The following TRHDE variants were observed in gnomAD, a reference collection of about 807,000 sequenced individuals.
The protein encoded by TRHDE is thyrotropin releasing hormone degrading enzyme.
Under a neutral mutation model 125.7 loss-of-function variants are expected in TRHDE, and 72 were observed. The observed-to-expected ratio is 0.57, with a 90% CI of 0.47 to 0.70. The LOEUF is 0.70. TRHDE is among the 30% of genes least tolerant of loss of function. TRHDE has a pLI of 0.00. For synonymous variants in TRHDE, 509 were observed against 509.1 expected, an observed-to-expected ratio of 1.00 and a Z score of 0.00; for missense variants, 1,110 against 1,327.1, an observed-to-expected ratio of 0.84 and a Z score of 2.54.
intron 3 of TRHDE, among the ~76,000 whole-genome samples, chr12:72,410,455 C>T (rs889015596): frequency 6.6e-6 from 1 of 152,020 alleles, no homozygotes; most frequent in Non-Finnish European, 1.5e-5. Context: ...AAGGTAAAAT[C>T]ATAGGTCTTT....
At position 72,272,676 on chromosome 12, in the gene TRHDE, G is replaced by C; in HGVS notation, c.33G>C (p.Glu11Asp). The C allele has an allele frequency of 7.7e-7, 1 of 1,299,414 alleles. No homozygotes were observed. The highest frequency in any genetic ancestry group is 1.0e-6 in the Non-Finnish European group (1 of 978,090). The allele number at this position is 1,299,414 out of a possible 1,614,324, so 80.5% of individuals were successfully genotyped here. A position where few individuals can be genotyped will look rare whatever the true frequency, so the allele number is the denominator to read the frequency against. MALDGELGEQEEEKKKKKKKK... is the reference protein window; with the variant it reads MALDGELGEQDEEKKKKKKKK... ...TGGACGGCGAGCTGGGGGAGCAAGA[G>C]GAGGAGAAGAAAAAGAAGAAGAAAA... Residue 11 changes from glutamate to aspartate, a missense_variant, in exon 1 of 19, where the codon GAG (glutamate) becomes GAC (aspartate). Physicochemically the swap from Glu to Asp is conservative, Grantham distance 45. This residue lies in a region of TRHDE where 248 missense variants were observed against 240.8 expected (regional missense o/e 1.03). Transcript: ENST00000261180. The surrounding 1 kb of genome is among the most constrained non-coding windows in gnomAD (Gnocchi z 6.7).
At chr12:72,172,294 G>A (rs1876890626) in intron 2 of TRHDE, among the ~76,000 whole-genome samples, 1 of 152,166 alleles carries the variant, frequency 6.6e-6, no homozygotes, top group African/African-American at 2.4e-5. Flanking sequence ...CTGCATGACA[G>A]CTAACCTTGA....
chr12:72,092,557 T>C (rs638949), intron 1 of TRHDE, among the ~76,000 whole-genome samples: 2 of 152,202 alleles, frequency 1.3e-5, no homozygotes, highest in African/African-American at 4.8e-5. Context: ...AAAGCGACTA[T>C]AGCATCCTTT....
At chr12:72,503,641 A>G (rs920071939) in intron 6 of TRHDE, among the ~76,000 whole-genome samples, 10 of 152,222 alleles carry the variant, frequency 6.6e-5, no homozygotes, top group African/African-American at 2.4e-4. Context: ...GAATAGTTGA[A>G]TTACGTATTT....
chr12:72,291,169 G>T (rs1004295283), intron 2 of TRHDE, among the ~76,000 whole-genome samples: 2 of 152,152 alleles, frequency 1.3e-5, no homozygotes, highest in Non-Finnish European at 2.9e-5. Flanking sequence ...ACTTGGTTTG[G>T]TTTCTTGGTC....
At chr12:72,614,188 A>G (rs1480224556) in intron 12 of TRHDE, among the ~76,000 whole-genome samples, 1 of 151,994 alleles carries the variant, frequency 6.6e-6, no homozygotes, top group Non-Finnish European at 1.5e-5. Context: ...ATTGCAATTC[A>G]ACATGAGAAT....
intron 18 of TRHDE, among the ~76,000 whole-genome samples, chr12:72,661,520 T>C (rs1447632528): frequency 6.6e-6 from 1 of 152,148 alleles, no homozygotes; most frequent in Non-Finnish European, 1.5e-5. Flanking sequence ...ATTCAAAACA[T>C]AGATCAAAAT....
intron 2 of TRHDE, among the ~76,000 whole-genome samples, chr12:72,149,526 G>T (rs528144616): frequency 1.3e-5 from 2 of 152,008 alleles, no homozygotes; most frequent in South Asian, 4.1e-4. Context: ...CTTGGCATTT[G>T]CATGTTGTTT....
chr12:72,264,865 A>C (rs1879029170), intron 2 of TRHDE, among the ~76,000 whole-genome samples: 1 of 151,834 alleles, frequency 6.6e-6, no homozygotes, highest in Non-Finnish European at 1.5e-5. Context: ...ACCAAATTTT[A>C]ATATGCCGAT....
At chr12:72,327,903 C>T (rs1236534647) in intron 2 of TRHDE, among the ~76,000 whole-genome samples, 2 of 152,154 alleles carry the variant, frequency 1.3e-5, no homozygotes, top group Non-Finnish European at 2.9e-5. Context: ...ACTTGTCTCA[C>T]ACACATTTCC....
At chr12:72,246,996 G>C (rs1308674727) in intron 2 of TRHDE, among the ~76,000 whole-genome samples, 1 of 152,102 alleles carries the variant, frequency 6.6e-6, no homozygotes, top group Non-Finnish European at 1.5e-5. Flanking sequence ...TGTATATATT[G>C]CATGCTAAAG....
At chr12:72,451,469 G>T (rs372297501) in intron 3 of TRHDE, among the ~76,000 whole-genome samples, 1 of 152,132 alleles carries the variant, frequency 6.6e-6, no homozygotes, top group South Asian at 2.1e-4. Flanking sequence ...TCCCTATTTT[G>T]TTCTATTGGT....
intron 2 of TRHDE, among the ~76,000 whole-genome samples, chr12:72,234,619 T>C (rs1426768697): frequency 2.0e-5 from 3 of 152,158 alleles, no homozygotes; most frequent in Non-Finnish European, 4.4e-5. Context: ...TTTTTATGAT[T>C]TGTATTATAA....
At chr12:72,612,980 G>T (rs1365283702) in intron 12 of TRHDE, among the ~76,000 whole-genome samples, 2 of 152,066 alleles carry the variant, frequency 1.3e-5, no homozygotes, top group African/African-American at 4.8e-5. Context: ...ATGCAATGAT[G>T]GTGGTAGTGA....
chr12:72,614,416 C>T (rs1442870503), intron 12 of TRHDE, among the ~76,000 whole-genome samples: 1 of 148,930 alleles, frequency 6.7e-6, no homozygotes, highest in Non-Finnish European at 1.5e-5. Context: ...TTCTATGGTA[C>T]ATCAAGGACT....
intron 6 of TRHDE, among the ~76,000 whole-genome samples, chr12:72,503,717 C>T (rs2135940046): frequency 6.6e-6 from 1 of 152,290 alleles, no homozygotes; most frequent in South Asian, 2.1e-4. Flanking sequence ...GACTTAATTT[C>T]TAGATGATCC....
At chr12:72,342,666 A>G (rs1210357278) in intron 2 of TRHDE, among the ~76,000 whole-genome samples, 1 of 152,100 alleles carries the variant, frequency 6.6e-6, no homozygotes, top group Admixed American at 6.6e-5. Flanking sequence ...TTTGAGGAAG[A>G]GCTATTTTTA....
chr12:72,309,268 C>T (rs915679346), intron 2 of TRHDE, among the ~76,000 whole-genome samples: 2 of 152,026 alleles, frequency 1.3e-5, no homozygotes, highest in African/African-American at 4.8e-5. Flanking sequence ...AGAGAGAGAT[C>T]GTCTACTCTT....
intron 12 of TRHDE, among the ~76,000 whole-genome samples, chr12:72,613,126 C>T (rs987607774): frequency 3.3e-5 from 5 of 152,160 alleles, no homozygotes; most frequent in African/African-American, 1.2e-4. Context: ...GATTTCTAAG[C>T]CTTCCATCAA....
Sources: allele counts gnomAD v4.1 joint callset (sites outside exome capture counted in the v4.1 genomes callset), GRCh38; gene constraint gnomAD v4.1.1; regional missense constraint gnomAD v4.1.1; non-coding constraint Gnocchi (gnomAD v3.1); transcripts MANE v1.5; gene names NCBI Gene and HGNC (gene_info 2026-07-23, HGNC 2026-07-21).